Variants in ANK2 observed in about 807,000 individuals in gnomAD.
The protein encoded by ANK2 is ankyrin 2.
A neutral mutation model predicts 360.5 loss-of-function variants in ANK2; 83 were observed. The ratio of observed to expected loss-of-function variants is 0.23; its 90% confidence interval spans 0.19 to 0.28. ANK2 has a LOEUF of 0.28. Ranked by LOEUF, ANK2 falls within the 10% of genes least tolerant of loss-of-function variation. The probability of loss-of-function intolerance (pLI) is 1.00; values close to 1 mark genes in which losing one functional copy is unlikely to be tolerated. For missense variants in ANK2, 4,201 were observed against 4,795.7 expected, an observed-to-expected ratio of 0.88 and a Z score of 3.66; for synonymous variants, 1,740 against 1,759.5, an observed-to-expected ratio of 0.99 and a Z score of 0.28.
the ANK2 span, among the ~76,000 whole-genome samples, chr4:112,725,607 G>C: frequency 1.3e-5 from 2 of 151,908 alleles, no homozygotes; most frequent in African/African-American, 4.8e-5. Context: ...TGATCCTCCC[G>C]CCTCAGCCTC....
chr4:113,144,008 C>G (rs2096739271), intron 1 of ANK2, among the ~76,000 whole-genome samples: 1 of 152,176 alleles, frequency 6.6e-6, no homozygotes, highest in Non-Finnish European at 1.5e-5. Flanking sequence ...AATGCTTTCA[C>G]TTAAAACTTT....
intron 2 of ANK2, among the ~76,000 whole-genome samples, chr4:112,955,394 TA>T (rs2095281846): frequency 6.6e-6 from 1 of 152,158 alleles, no homozygotes; most frequent in Non-Finnish European, 1.5e-5. Flanking sequence ...GTGAAAAGAC[TA>T]GAACTTTTGA....
At chr4:112,789,444 A>G in the ANK2 span, among the ~76,000 whole-genome samples, 2 of 152,082 alleles carry the variant, frequency 1.3e-5, no homozygotes, top group South Asian at 4.2e-4. Context: ...CATGGCTACC[A>G]GGGCCAAAGT....
At chr4:113,376,327 A>G (rs1248585838) in intron 45 of ANK2, among the ~76,000 whole-genome samples, 2 of 152,206 alleles carry the variant, frequency 1.3e-5, no homozygotes, top group Non-Finnish European at 2.9e-5. Context: ...TTATAACACA[A>G]TGGTAAGTAT....
intron 45 of ANK2, among the ~76,000 whole-genome samples, chr4:113,376,711 C>A (rs1245583821): frequency 6.6e-6 from 1 of 151,366 alleles, no homozygotes; most frequent in Non-Finnish European, 1.5e-5. Flanking sequence ...TGCACAGGTG[C>A]ATTAAAAATT....
chr4:112,791,290 C>T, the ANK2 span, among the ~76,000 whole-genome samples: 8 of 152,144 alleles, frequency 5.3e-5, no homozygotes, highest in East Asian at 9.7e-4. Context: ...GAGGATTGCC[C>T]AGATGACCTC....
At chr4:113,071,507 G>A (rs2077532362) in intron 1 of ANK2, among the ~76,000 whole-genome samples, 1 of 152,118 alleles carries the variant, frequency 6.6e-6, no homozygotes, top group Admixed American at 6.5e-5. Context: ...TCTCTTCCGA[G>A]ACTCAACTCA....
At chr4:112,835,455 T>C (rs1488877365) in intron 1 of ANK2, among the ~76,000 whole-genome samples, 1 of 152,186 alleles carries the variant, frequency 6.6e-6, no homozygotes, top group Non-Finnish European at 1.5e-5. Flanking sequence ...TAGTAAACTA[T>C]ATAATTTTAT....
intron 4 of ANK2, among the ~76,000 whole-genome samples, chr4:113,206,331 G>A (rs1200166023): frequency 2.6e-5 from 4 of 152,072 alleles, no homozygotes; most frequent in African/African-American, 9.7e-5. Flanking sequence ...CTTATAAGTG[G>A]GAACATATGT....
At chr4:113,000,224 A>T (rs7655898) in intron 2 of ANK2, among the ~76,000 whole-genome samples, 60,196 of 152,020 alleles carry the variant, frequency 0.4, 13,338 homozygotes, top group African/African-American at 0.6. Flanking sequence ...TCAGTAAGGT[A>T]TGTTTATGCA....
intron 2 of ANK2, among the ~76,000 whole-genome samples, chr4:112,921,528 C>T (rs2091523395): frequency 6.6e-6 from 1 of 151,834 alleles, no homozygotes; most frequent in Admixed American, 6.6e-5. Context: ...AGTGGCAATT[C>T]ACAGGTGCAA....
At chr4:112,805,518 G>A in the ANK2 span, among the ~76,000 whole-genome samples, 1 of 151,340 alleles carries the variant, frequency 6.6e-6, no homozygotes, top group Admixed American at 6.6e-5. Flanking sequence ...AAGAGCCAAT[G>A]TTCCTGGGGT....
chr4:113,380,410 C>T (rs1009460902), intron 45 of ANK2, among the ~76,000 whole-genome samples: 7 of 152,170 alleles, frequency 4.6e-5, no homozygotes, highest in Non-Finnish European at 1.0e-4. Context: ...CCTGTAATCC[C>T]AACACTTTGG....
At chr4:112,971,276 G>A (rs1561347437) in intron 2 of ANK2, among the ~76,000 whole-genome samples, 1 of 152,282 alleles carries the variant, frequency 6.6e-6, no homozygotes, top group African/African-American at 2.4e-5. Context: ...CATACCTTAG[G>A]TTCCAGCAGA....
chr4:113,365,247 GTTAA>G (rs2096474010), intron 41 of ANK2, 65 bp downstream of exon 41: 6 of 1,548,186 alleles, frequency 3.9e-6, no homozygotes, highest in Non-Finnish European at 5.3e-6. Context: ...TCTGTGTGTG[GTTAA>G]TTGAGGCACT....
At chr4:113,258,283 G>A in intron 12 of ANK2, 30 bp from the exon 13 acceptor site, 1 of 1,607,748 alleles carries the variant, frequency 6.2e-7, no homozygotes. Context: ...CGGTGCAGAG[G>A]AGTAAAACTG....
At chr4:112,774,034 C>T in the ANK2 span, among the ~76,000 whole-genome samples, 3 of 151,802 alleles carry the variant, frequency 2.0e-5, no homozygotes, top group Admixed American at 6.6e-5. Flanking sequence ...CTCCTGATCT[C>T]GTGATCTGCC....
At chr4:112,759,439 T>G in the ANK2 span, among the ~76,000 whole-genome samples, 1 of 152,206 alleles carries the variant, frequency 6.6e-6, no homozygotes, top group Non-Finnish European at 1.5e-5. Flanking sequence ...GCTACCACGC[T>G]GGGCCCAAAT....
intron 1 of ANK2, among the ~76,000 whole-genome samples, chr4:113,161,803 T>C (rs1562523032): frequency 6.6e-6 from 1 of 152,026 alleles, no homozygotes; most frequent in Non-Finnish European, 1.5e-5. Flanking sequence ...AATATGTTGA[T>C]GGGTCAGCAT....
Sources: allele counts gnomAD v4.1 joint callset (sites outside exome capture counted in the v4.1 genomes callset), GRCh38; gene constraint gnomAD v4.1.1; transcripts MANE v1.5; gene names NCBI Gene and HGNC (gene_info 2026-07-23, HGNC 2026-07-21).